The following PARP10 variants were observed in gnomAD, a reference collection of about 807,000 sequenced individuals.
PARP10 encodes the protein protein mono-ADP-ribosyltransferase PARP10.
In PARP10, 56 loss-of-function variants were observed where a neutral mutation model predicts 82.4. The ratio of observed to expected loss-of-function variants is 0.68; its 90% confidence interval spans 0.55 to 0.85. The LOEUF (loss-of-function observed/expected upper bound fraction) is 0.85, where lower values mean the gene tolerates loss of function less well. PARP10 is among the 40% of genes least tolerant of loss of function. The pLI, the probability that PARP10 is intolerant of heterozygous loss-of-function variation, is 0.00. For synonymous variants in PARP10, 576 were observed against 601.1 expected (o/e 0.96, Z 0.61); for missense variants, 1,227 against 1,379.4 (o/e 0.89, Z 1.75).
At chr8:143,988,593 A>G (rs557503222), upstream of PARP10, among the ~76,000 whole-genome samples, 44 of 149,926 alleles carry the variant, frequency 2.9e-4, no homozygotes, top group Non-Finnish European at 5.2e-4. Context: ...AGCCCCCCCA[A>G]TAGCTGGGAT....
chr8:143,991,595 C>A (rs374773416), upstream of PARP10: 12 of 1,604,674 alleles, frequency 7.5e-6, no homozygotes, highest in African/African-American at 1.5e-4. Flanking sequence ...CAGGACAAGA[C>A]CCTGACTGTG....
intron 1 of PARP10, among the ~76,000 whole-genome samples, chr8:144,009,890 C>T (rs1469351478): frequency 6.6e-6 from 1 of 152,232 alleles, no homozygotes; most frequent in African/African-American, 2.4e-5. Flanking sequence ...ACCTCCATGG[C>T]ACCACCTGTG....
chr8:143,989,852 T>C (rs1834059547), upstream of PARP10: 1 of 152,266 alleles, frequency 6.6e-6, no homozygotes, highest in Non-Finnish European at 1.5e-5. This position sits in a 1 kb window ranked among gnomAD's most constrained non-coding sequence, Gnocchi z 4.3. Context: ...GCCAGTCAAA[T>C]TGGCCAGACC....
upstream of PARP10, chr8:143,986,483 G>C: frequency 6.5e-6 from 10 of 1,532,086 alleles, no homozygotes; most frequent in Non-Finnish European, 9.0e-6. Context: ...CGGAAGGAGG[G>C]AGGGAGCAGC....
chr8:143,991,459 A>T (rs781831444), upstream of PARP10: 32 of 1,489,498 alleles, frequency 2.1e-5, no homozygotes, highest in Non-Finnish European at 2.8e-5. Context: ...CAAGGGGGCT[A>T]CCCACAGGGC....
At chr8:143,992,640 G>A (rs1554750752), upstream of PARP10, 3 of 1,614,050 alleles carry the variant, frequency 1.9e-6, no homozygotes, top group Admixed American at 3.3e-5. Context: ...CCGGGGGCGG[G>A]ATGCTGGGCA....
At chr8:144,001,142 CT>C (rs1479005353) in intron 1 of PARP10, among the ~76,000 whole-genome samples, 1 of 151,730 alleles carries the variant, frequency 6.6e-6, no homozygotes. Flanking sequence ...TCTCGATCTC[CT>C]GACCTCGTGA....
chr8:143,995,127 C>T (rs148401295), upstream of PARP10, among the ~76,000 whole-genome samples: 121 of 152,298 alleles, frequency 7.9e-4, 1 homozygote, highest in African/African-American at 2.8e-3. Flanking sequence ...GGAGGGTCCA[C>T]AGCAAAGACC....
Position 143,977,311 on chromosome 8 carries a change from G to A in PARP10, c.*173C>T, listed in dbSNP as rs1833710988. On this transcript the variant is annotated 3_prime_UTR_variant, in exon 11 of 11. Transcript: ENST00000313028. ...TCGGCCCAGGCTGGGACCTAGCCCG[G>A]CCCCCCTCGGCCGCTGCTGACCGCC... is the stretch of plus-strand genomic sequence containing the variant. 1.4e-6 allele frequency: 1 copy of A among 713,378 alleles called. No individual in the cohort carries two copies. The highest frequency in any genetic ancestry group is 2.3e-6 in the Non-Finnish European group (1 of 444,306). The allele number at this position is 713,378 out of a possible 1,614,324, so 44.2% of individuals were successfully genotyped here. A position where few individuals can be genotyped will look rare whatever the true frequency, so the allele number is the denominator to read the frequency against.
chr8:143,991,543 G>A (rs17854152), upstream of PARP10: 2 of 1,543,874 alleles, frequency 1.3e-6, no homozygotes, highest in Non-Finnish European at 1.8e-6. Context: ...TATCCCCAGA[G>A]CCCCTTCCCC....
upstream of PARP10, chr8:143,991,840 G>A: frequency 6.2e-7 from 1 of 1,605,760 alleles, no homozygotes. Flanking sequence ...TGGGGGCTGT[G>A]GCTCCCAGCG....
intron 9 of PARP10, among the ~76,000 whole-genome samples, chr8:143,979,370 G>A (rs1554747146): frequency 6.6e-6 from 1 of 152,166 alleles, no homozygotes; most frequent in East Asian, 1.9e-4. Flanking sequence ...GACACCAGAT[G>A]CTAAGAAACC....
At chr8:144,007,524 A>G (rs545064559) in intron 1 of PARP10, among the ~76,000 whole-genome samples, 1 of 152,214 alleles carries the variant, frequency 6.6e-6, no homozygotes, top group Non-Finnish European at 1.5e-5. Context: ...ATAAAAATGC[A>G]TTCCTATATT....
At chr8:143,996,581 C>G (rs782488773) in intron 1 of PARP10, among the ~76,000 whole-genome samples, 1 of 152,220 alleles carries the variant, frequency 6.6e-6, no homozygotes, top group Non-Finnish European at 1.5e-5. Flanking sequence ...AGCCTAGCAC[C>G]TAGTCCAGGG....
In PARP10 at chr8:144,011,369, T is replaced by C. The variant is rs1834280849; in HGVS notation, c.-80+1161A>G. ...TGAAGCATTAGAGGAGGGGTGGGGGTAGGCCCCCCATTGTGAGGTCCAGGC... is the reference window on the plus strand; with the variant it reads ...TGAAGCATTAGAGGAGGGGTGGGGGCAGGCCCCCCATTGTGAGGTCCAGGC... On this transcript the variant is annotated intron_variant, in intron 1 of 3. Coordinates refer to the PARP10 transcript ENST00000530478. The surrounding 1 kb of genome is among the most constrained non-coding windows in gnomAD (Gnocchi z 4.5). Among the ~76,000 whole-genome samples, 1 of 151,660 alleles carries C rather than the reference T, an allele frequency of 6.6e-6. No individual in the cohort carries two copies. The highest frequency in any genetic ancestry group is 2.1e-4 in the South Asian group (1 of 4,810).
Position 143,977,998 on chromosome 8 carries a change from C to A in PARP10, c.2640G>T (p.Pro880=). The A allele has an allele frequency of 6.3e-7, 1 of 1,591,720 alleles. No homozygotes were observed. The highest frequency in any genetic ancestry group is 2.3e-5 in the East Asian group (1 of 44,310). Residue 880 remains proline, a synonymous_variant, in exon 10 of 11, where the codon CCG becomes CCT. Transcript: ENST00000313028. The stretch of plus-strand genomic sequence containing the variant: ...TGCCGTGGTACAGCACCTGCTCCAC[C>A]GGGCGCCGCTCGCATCGCTGCAGCA... The part of the protein sequence containing the change: ...ERLLQRCERR[P]VEQVLYHGTT...
chr8:144,005,051 C>T (rs955095039), intron 1 of PARP10, among the ~76,000 whole-genome samples: 4 of 151,738 alleles, frequency 2.6e-5, no homozygotes, highest in African/African-American at 4.8e-5. Flanking sequence ...TGGTGGTGGG[C>T]GCCTGTAATC....
upstream of PARP10, chr8:143,992,350 ACCGTCGTCATCTTCT>A: frequency 6.3e-7 from 1 of 1,595,232 alleles, no homozygotes; most frequent in Non-Finnish European, 8.6e-7. Flanking sequence ...CGTCTGCTTC[ACCGTCGTCATCTTCT>A]CCATGCAGGT....
At chr8:143,982,804 G>A (rs1196074230) in intron 9 of PARP10, 128 bp downstream of exon 9, 8 of 1,439,678 alleles carry the variant, frequency 5.6e-6, no homozygotes, top group Non-Finnish European at 7.5e-6. Flanking sequence ...AACAGGGCTG[G>A]GAGCCTGTCA....
Sources: gnomAD v4.1 joint callset for allele counts (sites outside exome capture counted in the v4.1 genomes callset) on GRCh38, gnomAD v4.1.1 for gene constraint, Gnocchi (gnomAD v3.1) non-coding constraint, MANE v1.5 for transcripts, NCBI Gene and HGNC (gene_info 2026-07-23, HGNC 2026-07-21) for gene names.